DLGAP2: variants seen among roughly 807,000 people sequenced by gnomAD.
DLGAP2 encodes the protein disks large-associated protein 2.
In DLGAP2, 26 loss-of-function variants were observed where a neutral mutation model predicts 100.3. The observed-to-expected ratio is 0.26, with a 90% CI of 0.19 to 0.36. DLGAP2 has a LOEUF of 0.36. Ranked by LOEUF, DLGAP2 falls within the 10% of genes least tolerant of loss-of-function variation. The pLI, the probability that DLGAP2 is intolerant of heterozygous loss-of-function variation, is 1.00. For missense variants in DLGAP2, 1,858 were observed against 1,453.2 expected, an observed-to-expected ratio of 1.28 and a Z score of -4.53; for synonymous variants, 886 against 630.1, an observed-to-expected ratio of 1.41 and a Z score of -6.08.
chr8:1,532,252 T>C (rs1801010857), intron 4 of DLGAP2, among the ~76,000 whole-genome samples: 1 of 152,194 alleles, frequency 6.6e-6, no homozygotes, highest in South Asian at 2.1e-4. Flanking sequence ...GGGGAGGTCC[T>C]GGAACGCACT....
chr8:1,409,575 C>T (rs922939796), intron 3 of DLGAP2, among the ~76,000 whole-genome samples: 5 of 151,354 alleles, frequency 3.3e-5, no homozygotes, highest in African/African-American at 4.8e-5. Context: ...GAATCTTCTC[C>T]GTCACCTAGA....
intron 2 of DLGAP2, among the ~76,000 whole-genome samples, chr8:1,251,758 CGTT>C (rs1799045599): frequency 1.3e-5 from 2 of 152,196 alleles, no homozygotes; most frequent in African/African-American, 4.8e-5. Context: ...CGTACAGTCA[CGTT>C]GTCATCTTGT....
At chr8:1,309,992 G>A (rs1800577683) in intron 3 of DLGAP2, among the ~76,000 whole-genome samples, 1 of 151,372 alleles carries the variant, frequency 6.6e-6, no homozygotes, top group Non-Finnish European at 1.5e-5. Context: ...CTACTTGGGA[G>A]GCTGAGGCAG....
At chr8:1,319,641 A>G (rs576053545) in intron 3 of DLGAP2, among the ~76,000 whole-genome samples, 1 of 152,334 alleles carries the variant, frequency 6.6e-6, no homozygotes, top group East Asian at 1.9e-4. Flanking sequence ...AAGGGCCTGG[A>G]GAGTGACTGG....
intron 3 of DLGAP2, among the ~76,000 whole-genome samples, chr8:1,263,355 G>C (rs184093406): frequency 6.6e-6 from 1 of 151,924 alleles, no homozygotes; most frequent in African/African-American, 2.4e-5. Flanking sequence ...TTTTACTTTG[G>C]TTATTGGAAA....
rs114347484 is a variant in DLGAP2, at chr8:1,261,718, T to C, written c.106+2835T>C. 9.5e-3 allele frequency among the ~76,000 whole-genome samples: 1,447 copies of C among 152,350 alleles called. 21 individuals are homozygous for C. The highest frequency in any genetic ancestry group is 0.032 in the African/African-American group (1,339 of 41,580). ...AGGGTTTGTGGCGAGGTCTCAGCTGTGCTTTAGTTTTCCCAAAGCACTGTC... is the reference window on the plus strand; with the variant it reads ...AGGGTTTGTGGCGAGGTCTCAGCTGCGCTTTAGTTTTCCCAAAGCACTGTC... On this transcript the variant is annotated intron_variant, in intron 3 of 14. Coordinates refer to ENST00000637795, the MANE Select transcript of DLGAP2 (RefSeq NM_001346810.2).
At chr8:1,350,657 GAAAGGCCGTGCGGGTCCTGAGT>G (rs1801696431) in intron 3 of DLGAP2, among the ~76,000 whole-genome samples, 2 of 110,472 alleles carry the variant, frequency 1.8e-5, no homozygotes, top group African/African-American at 7.2e-5. Context: ...ACTGTGCGTG[GAAAGGCCGTGCGGGTCCTGAGT>G]GTGCGTGGAA....
At chr8:1,232,441 C>T (rs1798556231) in intron 2 of DLGAP2, among the ~76,000 whole-genome samples, 2 of 152,210 alleles carry the variant, frequency 1.3e-5, no homozygotes, top group African/African-American at 4.8e-5. Flanking sequence ...GTAGTGACTA[C>T]CAGGGTCAGG....
intron 3 of DLGAP2, among the ~76,000 whole-genome samples, chr8:1,434,948 T>A (rs1797572240): frequency 6.6e-6 from 1 of 152,196 alleles, no homozygotes; most frequent in Non-Finnish European, 1.5e-5. Context: ...GTCACATGCC[T>A]CTGGCCCTGG....
At chr8:865,662 T>G (rs1413207542) in intron 1 of DLGAP2, among the ~76,000 whole-genome samples, 1 of 152,176 alleles carries the variant, frequency 6.6e-6, no homozygotes, top group Non-Finnish European at 1.5e-5. Flanking sequence ...TAAATCCGGT[T>G]TTAAGGTTGT....
At chr8:1,268,591 T>G (rs750045600) in intron 3 of DLGAP2, among the ~76,000 whole-genome samples, 1 of 152,214 alleles carries the variant, frequency 6.6e-6, no homozygotes, top group Non-Finnish European at 1.5e-5. Flanking sequence ...TTAACATCTT[T>G]CCGCTGATCT....
intron 3 of DLGAP2, among the ~76,000 whole-genome samples, chr8:1,390,152 C>T (rs529203736): frequency 2.6e-5 from 4 of 151,974 alleles, no homozygotes; most frequent in African/African-American, 4.8e-5. Context: ...GTAACTAAAT[C>T]GAGGCACTCT....
At chr8:909,311 A>G (rs1798439585) in intron 2 of DLGAP2, among the ~76,000 whole-genome samples, 1 of 152,246 alleles carries the variant, frequency 6.6e-6, no homozygotes, top group Admixed American at 6.5e-5. Flanking sequence ...CAAAGTCAGC[A>G]TCACACAATT....
At chr8:1,288,877 G>A (rs1285018217) in intron 3 of DLGAP2, among the ~76,000 whole-genome samples, 2 of 152,062 alleles carry the variant, frequency 1.3e-5, no homozygotes, top group African/African-American at 4.8e-5. Context: ...TCCTCCATAG[G>A]CTTCAAATGA....
chr8:1,077,134 T>A (rs1803646815), intron 2 of DLGAP2, among the ~76,000 whole-genome samples: 1 of 152,344 alleles, frequency 6.6e-6, no homozygotes, highest in South Asian at 2.1e-4. Flanking sequence ...GATCCCAGCC[T>A]TCACCTTCAT....
At chr8:1,032,313 G>A (rs1251781414) in intron 2 of DLGAP2, among the ~76,000 whole-genome samples, 2 of 152,216 alleles carry the variant, frequency 1.3e-5, no homozygotes, top group Admixed American at 6.5e-5. Flanking sequence ...AGCTGCACCC[G>A]CTCCAGTTGG....
intron 3 of DLGAP2, among the ~76,000 whole-genome samples, chr8:1,465,034 AC>A (rs1455439980): frequency 1.3e-5 from 2 of 152,138 alleles, no homozygotes; most frequent in Non-Finnish European, 2.9e-5. Flanking sequence ...TCTCCCCACC[AC>A]CCAGCAGGTG....
chr8:1,638,048 G>A (rs1797810194), intron 8 of DLGAP2, among the ~76,000 whole-genome samples: 2 of 152,218 alleles, frequency 1.3e-5, no homozygotes, highest in Admixed American at 1.3e-4. Flanking sequence ...CCTGGAGGGA[G>A]AGGCTGGAAG....
chr8:1,505,098 T>C (rs960162374), intron 4 of DLGAP2, among the ~76,000 whole-genome samples: 3 of 152,202 alleles, frequency 2.0e-5, no homozygotes, highest in Non-Finnish European at 4.4e-5. Context: ...AATAGCATTA[T>C]TTTAGACATT....
Sources: allele counts gnomAD v4.1 joint callset (sites outside exome capture counted in the v4.1 genomes callset), GRCh38; gene constraint gnomAD v4.1.1; transcripts MANE v1.5; gene names NCBI Gene and HGNC (gene_info 2026-07-23, HGNC 2026-07-21).